PCDH7: variants seen among roughly 807,000 people sequenced by gnomAD.
PCDH7 encodes protocadherin-7.
In PCDH7, 17 loss-of-function variants were observed where a neutral mutation model predicts 58.9. The observed-to-expected ratio is 0.29, with a 90% CI of 0.20 to 0.43. The LOEUF (loss-of-function observed/expected upper bound fraction) is 0.43. Among genes scored for constraint, PCDH7 ranks in the 20% least tolerant of loss-of-function variants. The pLI is 1.00. For synonymous variants in PCDH7, 664 were observed against 616.4 expected (o/e 1.08, Z -1.14); for missense variants, 1,274 against 1,441.0 (o/e 0.88, Z 1.88).
chr4:30,779,011 T>C (rs1367793033), intron 1 of PCDH7, among the ~76,000 whole-genome samples: 1 of 141,136 alleles, frequency 7.1e-6, no homozygotes, highest in Non-Finnish European at 1.5e-5. Context: ...CCGTTTTTTT[T>C]TTTTTTTTTT....
intron 1 of PCDH7, among the ~76,000 whole-genome samples, chr4:30,877,599 G>C (rs1414337562): frequency 6.6e-6 from 1 of 152,190 alleles, no homozygotes; most frequent in Admixed American, 6.6e-5. Context: ...TCTTCATCAT[G>C]CAGGCAATTT....
At chr4:30,798,845 TG>T (rs1404615664) in intron 1 of PCDH7, among the ~76,000 whole-genome samples, 1 of 152,230 alleles carries the variant, frequency 6.6e-6, no homozygotes, top group Non-Finnish European at 1.5e-5. Flanking sequence ...AGGCTGCATT[TG>T]TTTTATACTT....
At chr4:30,729,566 G>A (rs1017055707) in intron 1 of PCDH7, among the ~76,000 whole-genome samples, 2 of 151,956 alleles carry the variant, frequency 1.3e-5, no homozygotes, top group Middle Eastern at 3.4e-3. Flanking sequence ...ACAGACATAA[G>A]TTCCTTCCTA....
chr4:31,083,032 T>C lies in PCDH7; in HGVS notation c.*8-59441T>C, dbSNP rs541462403. 6.8e-3 allele frequency among the ~76,000 whole-genome samples: 1,036 copies of C among 152,120 alleles called. 24 individuals carry two copies. The highest frequency in any genetic ancestry group is 9.2e-3 in the Non-Finnish European group (624 of 67,990). On this transcript the variant is annotated intron_variant, in intron 3 of 3. Coordinates refer to the PCDH7 transcript ENST00000509759. ...CTGAGGCAGGAGAATGGCGTGAACC[T>C]GGGAGGTGGAGCTTGCAATGAGCGG...
chr4:30,952,663 T>G (rs1239229278), intron 3 of PCDH7, among the ~76,000 whole-genome samples: 7 of 152,196 alleles, frequency 4.6e-5, no homozygotes, highest in Admixed American at 4.6e-4. Context: ...TTGTGTTTCC[T>G]TATTCTTAGA....
chr4:30,726,707 A>G (rs1166204908), intron 1 of PCDH7, among the ~76,000 whole-genome samples: 2 of 152,020 alleles, frequency 1.3e-5, no homozygotes, highest in Non-Finnish European at 2.9e-5. Flanking sequence ...CTGTCATTAC[A>G]TATTCAAAAG....
intron 3 of PCDH7, among the ~76,000 whole-genome samples, chr4:31,094,229 A>G (rs1713646339): frequency 6.6e-6 from 1 of 152,164 alleles, no homozygotes; most frequent in South Asian, 2.1e-4. Flanking sequence ...GTGAAAACCA[A>G]TAGCATCTTC....
intron 3 of PCDH7, among the ~76,000 whole-genome samples, chr4:30,978,823 T>G (rs2109106980): frequency 6.6e-6 from 1 of 152,312 alleles, no homozygotes; most frequent in African/African-American, 2.4e-5. Context: ...TCAAGATATT[T>G]ATTTTTCCTC....
intron 3 of PCDH7, among the ~76,000 whole-genome samples, chr4:31,039,400 T>C (rs1361973504): frequency 1.3e-5 from 2 of 152,174 alleles, no homozygotes; most frequent in African/African-American, 4.8e-5. Context: ...TTTGCTTTGT[T>C]TTAGAGATGG....
At chr4:30,724,057 A>T (rs1345734712) in exon 1 of PCDH7, 1 of 1,614,020 alleles carries the variant, frequency 6.2e-7, no homozygotes, top group Non-Finnish European at 8.5e-7. Flanking sequence ...ACAGAGACTC[A>T]GTATTGTCAT....
At position 30,727,307 on chromosome 4, in the gene PCDH7, G is replaced by A. The variant is rs143350918; in HGVS notation, c.3174+2711G>A. ...TAAAGTGTTGAACCTAAGTCCTGTT[G>A]TTTTCATTATAATAGGTTAAACAGC... On this transcript the variant is annotated intron_variant, in intron 1 of 1. Transcript: ENST00000361762. 2.8e-3 allele frequency among the ~76,000 whole-genome samples: 424 copies of A among 151,922 alleles called. 6 individuals are homozygous for A. The highest frequency in any genetic ancestry group is 9.1e-3 in the East Asian group (47 of 5,182).
chr4:30,726,243 A>G (rs1225301812), intron 1 of PCDH7, among the ~76,000 whole-genome samples: 1 of 152,014 alleles, frequency 6.6e-6, no homozygotes, highest in Non-Finnish European at 1.5e-5. Context: ...ATTTGTAGAC[A>G]TTTCTCTAGA....
chr4:30,817,732 G>C (rs1727877300), intron 1 of PCDH7, among the ~76,000 whole-genome samples: 1 of 151,686 alleles, frequency 6.6e-6, no homozygotes, highest in Non-Finnish European at 1.5e-5. Context: ...TTATTGTGTT[G>C]TTCTGTTTCA....
intron 1 of PCDH7, among the ~76,000 whole-genome samples, chr4:30,838,852 T>C (rs935202800): frequency 6.6e-6 from 1 of 152,108 alleles, no homozygotes; most frequent in African/African-American, 2.4e-5. Context: ...CCAACGTTTC[T>C]TAGAAATCAA....
intron 1 of PCDH7, among the ~76,000 whole-genome samples, chr4:30,820,485 T>C (rs1370906464): frequency 6.6e-6 from 1 of 152,146 alleles, no homozygotes; most frequent in East Asian, 1.9e-4. Context: ...AAGAACCACA[T>C]TGGCAGCAAA....
chr4:30,861,943 G>T (rs1226580562), intron 1 of PCDH7, among the ~76,000 whole-genome samples: 1 of 152,008 alleles, frequency 6.6e-6, no homozygotes, highest in East Asian at 1.9e-4. Flanking sequence ...TTATAAGCTA[G>T]GTATAAATTC....
intron 1 of PCDH7, among the ~76,000 whole-genome samples, chr4:30,862,443 A>T (rs145188538): frequency 6.6e-6 from 1 of 152,156 alleles, no homozygotes; most frequent in East Asian, 1.9e-4. Flanking sequence ...GGGAATCCCT[A>T]TTCATATATG....
At chr4:30,751,521 T>C (rs1718521321) in intron 1 of PCDH7, among the ~76,000 whole-genome samples, 1 of 152,162 alleles carries the variant, frequency 6.6e-6, no homozygotes, top group Non-Finnish European at 1.5e-5. Context: ...TAGCCATAGT[T>C]GGGGAATAGA....
intron 1 of PCDH7, among the ~76,000 whole-genome samples, chr4:30,868,134 T>C (rs1157994536): frequency 6.6e-6 from 1 of 152,062 alleles, no homozygotes; most frequent in African/African-American, 2.4e-5. Context: ...CACTACTAAC[T>C]GGGACTTCAG....
Sources: allele counts gnomAD v4.1 joint callset (sites outside exome capture counted in the v4.1 genomes callset), GRCh38; gene constraint gnomAD v4.1.1; transcripts MANE v1.5; gene names NCBI Gene and HGNC (gene_info 2026-07-23, HGNC 2026-07-21).